CDH3: variants seen among roughly 807,000 people sequenced by gnomAD.
The protein encoded by CDH3 is cadherin-3.
Under a neutral mutation model 82.0 loss-of-function variants are expected in CDH3, and 54 were observed. That is an observed-to-expected ratio of 0.66 (90% CI 0.53 to 0.83). The LOEUF (loss-of-function observed/expected upper bound fraction) is 0.83. Ranked by LOEUF, CDH3 falls within the 40% of genes least tolerant of loss-of-function variation. The pLI, the probability that CDH3 is intolerant of heterozygous loss-of-function variation, is 0.00. For synonymous variants in CDH3, 446 were observed against 437.9 expected, an observed-to-expected ratio of 1.02 and a Z score of -0.23; for missense variants, 1,054 against 1,084.6, an observed-to-expected ratio of 0.97 and a Z score of 0.40.
chr16:68,661,859 TTTTGTG>T (rs1001686052), intron 2 of CDH3, among the ~76,000 whole-genome samples: 19 of 152,206 alleles, frequency 1.2e-4, no homozygotes, highest in African/African-American at 4.6e-4. Flanking sequence ...TGGCTAATTT[TTTTGTG>T]TTTTTAGTAG....
chr16:68,662,349 T>A (rs1244113232), intron 2 of CDH3, among the ~76,000 whole-genome samples: 1 of 152,054 alleles, frequency 6.6e-6, no homozygotes, highest in African/African-American at 2.4e-5. Context: ...TCCCACCACT[T>A]GGGGAGGCAG....
chr16:68,660,141 A>G (rs933824439), intron 2 of CDH3, among the ~76,000 whole-genome samples: 10 of 152,330 alleles, frequency 6.6e-5, no homozygotes, highest in Admixed American at 2.0e-4. Flanking sequence ...CTGCTGTAGA[A>G]AGATGATCGA....
intron 2 of CDH3, among the ~76,000 whole-genome samples, chr16:68,655,375 G>A (rs1172546699): frequency 2.0e-5 from 3 of 152,212 alleles, no homozygotes; most frequent in Admixed American, 6.5e-5. Context: ...TAAGGCCACA[G>A]CTCCTAACCC....
intron 1 of CDH3, among the ~76,000 whole-genome samples, chr16:68,711,347 A>C (rs1349824217): frequency 8.0e-5 from 12 of 149,950 alleles, no homozygotes; most frequent in Non-Finnish European, 3.0e-5. Context: ...AAGAAAGAAA[A>C]AGAAAGAAAA....
chr16:68,688,727 A>G (rs955700485), intron 12 of CDH3, among the ~76,000 whole-genome samples: 4 of 152,160 alleles, frequency 2.6e-5, no homozygotes, highest in African/African-American at 7.2e-5. Flanking sequence ...CCCGGGTTCA[A>G]GCAATTATCC....
intron 2 of CDH3, among the ~76,000 whole-genome samples, chr16:68,666,609 G>A (rs1006763093): frequency 4.3e-4 from 66 of 152,260 alleles, no homozygotes; most frequent in African/African-American, 1.4e-3. Flanking sequence ...TTTCTTGTGC[G>A]TGGAAAATAC....
At chr16:68,695,134 A>G (rs1354202420) in intron 13 of CDH3, 121 bp from the exon 14 acceptor site, 6 of 1,034,466 alleles carry the variant, frequency 5.8e-6, no homozygotes, top group South Asian at 1.3e-5. Flanking sequence ...AAGCCATTGT[A>G]GCATGTTAAG....
At position 68,685,086 on chromosome 16, in the gene CDH3, C is replaced by T. The variant is rs565975065; in HGVS notation, c.1425-119C>T. The T allele has an allele frequency of 3.1e-4, 394 of 1,273,792 alleles. 1 individual carries two copies. Among genetic ancestry groups the T allele is most frequent in the South Asian group, 9.3e-4 (77 of 82,710 alleles). 78.9% of individuals were successfully genotyped at this position (1,273,792 alleles called of 1,614,324 possible). On this transcript the variant is annotated intron_variant, in intron 10 of 15. Transcript: ENST00000264012. ...CCCGTTTATGGGCGAGGTGCATTTT[C>T]CATATGATCCTGCTTAGGAGCCCAG... is the stretch of plus-strand genomic sequence containing the variant.
intron 10 of CDH3, 118 bp downstream of exon 10, chr16:68,684,942 C>T: frequency 7.4e-7 from 1 of 1,348,772 alleles, no homozygotes; most frequent in Non-Finnish European, 1.1e-6. Context: ...ATCCCTCCTG[C>T]ATAGGTTCTC....
chr16:68,653,102 G>A (rs1185308876), intron 2 of CDH3, among the ~76,000 whole-genome samples: 1 of 152,168 alleles, frequency 6.6e-6, no homozygotes, highest in Admixed American at 6.6e-5. Flanking sequence ...TTCTGAAGTA[G>A]TGAGGTGTCT....
intron 1 of CDH3, among the ~76,000 whole-genome samples, chr16:68,713,022 G>A (rs756613480): frequency 3.9e-5 from 6 of 152,020 alleles, no homozygotes; most frequent in Non-Finnish European, 7.4e-5. Flanking sequence ...AGCCAGTGCA[G>A]CATCCTCCCT....
rs766241857 is a variant in CDH3, at chr16:68,678,294, T to C, written c.390+17T>C. 4.6e-5 allele frequency: 74 copies of C among 1,613,968 alleles called. No individual in the cohort carries two copies. The highest frequency in any genetic ancestry group is 5.8e-5 in the Non-Finnish European group (69 of 1,179,922). On this transcript the variant is annotated intron_variant, in intron 4 of 15. Coordinates refer to ENST00000264012, the MANE Select transcript of CDH3 (RefSeq NM_001793.6). Reference sequence around the variant, plus strand: ...CTGAATCAGGTACGACTGTGCCTTCTCCTGGGAAGCATTGGTGGCTCCAGG... The same window carrying C: ...CTGAATCAGGTACGACTGTGCCTTCCCCTGGGAAGCATTGGTGGCTCCAGG...
chr16:68,716,512 T>C (rs1348392570), intron 1 of CDH3, among the ~76,000 whole-genome samples: 1 of 147,058 alleles, frequency 6.8e-6, no homozygotes, highest in Non-Finnish European at 1.5e-5. Flanking sequence ...TCCCAGATAC[T>C]CCAGAGGCTG....
intron 2 of CDH3, 81 bp downstream of exon 2, chr16:68,645,831 C>A (rs1041021857): frequency 9.2e-7 from 1 of 1,090,560 alleles, no homozygotes; most frequent in South Asian, 1.4e-5. Flanking sequence ...GTGTTCGGGC[C>A]GGGGCAAGGG....
exon 3 of CDH3, among the ~76,000 whole-genome samples, chr16:68,727,291 T>C (rs1962229660): frequency 6.6e-6 from 1 of 152,238 alleles, no homozygotes; most frequent in Non-Finnish European, 1.5e-5. Context: ...TGGGCAATGC[T>C]ACCAGCTTCC....
Position 68,645,705 on chromosome 16 carries a change from G to C in CDH3, c.115G>C (p.Glu39Gln). Reference protein sequence around the residue: ...AVFREAEVTLEAGGAEQEPGQ... With the variant: ...AVFREAEVTLQAGGAEQEPGQ... ...CTTCAGGGAGGCTGAAGTGACCTTG[G>C]AGGCGGGAGGCGCGGAGCAGGAGCC... The change falls in exon 2 of 16, where the codon GAG (glutamate) becomes CAG (glutamine). Residue 39 changes from glutamate (E) to glutamine (Q), a missense_variant. By Grantham distance (29) the Glu-to-Gln change is conservative. Coordinates refer to ENST00000264012, the MANE Select transcript of CDH3 (RefSeq NM_001793.6). The C allele has an allele frequency of 1.9e-6, 3 of 1,545,896 alleles. No individual in the cohort carries two copies. The highest frequency in any genetic ancestry group is 2.6e-6 in the Non-Finnish European group (3 of 1,146,528).
At chr16:68,657,163 A>G (rs1960428668) in intron 2 of CDH3, among the ~76,000 whole-genome samples, 1 of 152,108 alleles carries the variant, frequency 6.6e-6, no homozygotes, top group Admixed American at 6.5e-5. Context: ...TGCTGGACTT[A>G]AGAGTGTTGG....
intron 2 of CDH3, among the ~76,000 whole-genome samples, chr16:68,725,974 G>C (rs970710039): frequency 6.6e-6 from 1 of 152,112 alleles, no homozygotes; most frequent in African/African-American, 2.4e-5. Context: ...AGGATCGCTT[G>C]AGCCCAGGAG....
At position 68,650,817 on chromosome 16, in the gene CDH3, T is replaced by G. The variant is rs186099475; in HGVS notation, c.160+5067T>G. ...GCTTCGGGATACAGCCTTAACCCCT[T>G]CCCCCACAGCCTGGTGGCCCAGTTC... On this transcript the variant is annotated intron_variant, in intron 2 of 15. Transcript: ENST00000264012. Among the ~76,000 whole-genome samples the G allele has an allele frequency of 4.9e-3, 740 of 150,936 alleles. 11 individuals carry two copies. Among genetic ancestry groups the G allele is most frequent in the African/African-American group, 0.017 (691 of 40,970 alleles).
Sources: gnomAD v4.1 joint callset for allele counts (sites outside exome capture counted in the v4.1 genomes callset) on GRCh38, gnomAD v4.1.1 for gene constraint, MANE v1.5 for transcripts, NCBI Gene and HGNC (gene_info 2026-07-23, HGNC 2026-07-21) for gene names.